CTBP2: variants seen among roughly 807,000 people sequenced by gnomAD.
CTBP2 encodes C-terminal-binding protein 2.
In CTBP2, 30 loss-of-function variants were observed where a neutral mutation model predicts 80.3. That is an observed-to-expected ratio of 0.37 (90% CI 0.28 to 0.51). The LOEUF (loss-of-function observed/expected upper bound fraction) is 0.51. CTBP2 is among the 20% of genes least tolerant of loss of function. The pLI is 0.93. For synonymous variants in CTBP2, 594 were observed against 587.4 expected (o/e 1.01, Z -0.16); for missense variants, 1,212 against 1,375.3 (o/e 0.88, Z 1.88).
At chr10:125,147,946 T>C (rs1382875666) in intron 1 of CTBP2, among the ~76,000 whole-genome samples, 2 of 152,108 alleles carry the variant, frequency 1.3e-5, no homozygotes, top group African/African-American at 4.8e-5. Context: ...TCAGGCCAGT[T>C]CTAAAGGCTT....
chr10:125,142,701 C>T (rs1292065589), intron 1 of CTBP2, among the ~76,000 whole-genome samples: 1 of 152,190 alleles, frequency 6.6e-6, no homozygotes, highest in Non-Finnish European at 1.5e-5. Flanking sequence ...ATGCAGTGAA[C>T]TGTGAAATCC....
chr10:125,079,862 T>C (rs749144727), intron 2 of CTBP2, among the ~76,000 whole-genome samples: 112 of 152,362 alleles, frequency 7.4e-4, no homozygotes, highest in Non-Finnish European at 9.8e-4. Flanking sequence ...TCTCCTGTGA[T>C]GAAAACCACT....
intron 2 of CTBP2, among the ~76,000 whole-genome samples, chr10:125,045,122 C>T (rs1960896192): frequency 6.6e-6 from 1 of 152,066 alleles, no homozygotes; most frequent in African/African-American, 2.4e-5. Context: ...TGAGGCTCTG[C>T]CCTCAGGAAC....
At chr10:125,074,126 G>A (rs1845931506) in intron 2 of CTBP2, among the ~76,000 whole-genome samples, 1 of 152,212 alleles carries the variant, frequency 6.6e-6, no homozygotes, top group Non-Finnish European at 1.5e-5. Flanking sequence ...CTAGATACCA[G>A]CAGCATTCCC....
At chr10:125,040,949 C>T (rs1459508528) in intron 2 of CTBP2, among the ~76,000 whole-genome samples, 3 of 152,224 alleles carry the variant, frequency 2.0e-5, no homozygotes, top group African/African-American at 4.8e-5. Context: ...ACCCTTTCAA[C>T]GATTGGGAAG....
intron 1 of CTBP2, among the ~76,000 whole-genome samples, chr10:125,013,133 C>A (rs1956114023): frequency 1.3e-5 from 2 of 152,204 alleles, no homozygotes; most frequent in Non-Finnish European, 1.5e-5. Flanking sequence ...CTATGAGATT[C>A]TCAGTTCAAA....
chr10:125,047,795 T>C (rs1961644457), intron 2 of CTBP2, among the ~76,000 whole-genome samples: 1 of 152,204 alleles, frequency 6.6e-6, no homozygotes, highest in Non-Finnish European at 1.5e-5. Flanking sequence ...TGGGGGAAGA[T>C]TTAATCCTCC....
intron 2 of CTBP2, among the ~76,000 whole-genome samples, chr10:125,042,529 A>G (rs543127412): frequency 6.6e-6 from 1 of 152,338 alleles, no homozygotes; most frequent in Admixed American, 6.5e-5. Context: ...TGTTCCTCAA[A>G]TCATGCCAGG....
chr10:125,070,050 G>A (rs1450175231), intron 2 of CTBP2, among the ~76,000 whole-genome samples: 1 of 151,844 alleles, frequency 6.6e-6, no homozygotes, highest in African/African-American at 2.4e-5. Flanking sequence ...GTCATTAATT[G>A]TAACAAATGC....
At chr10:125,103,702 C>T (rs978584666) in intron 2 of CTBP2, among the ~76,000 whole-genome samples, 2 of 152,268 alleles carry the variant, frequency 1.3e-5, no homozygotes, top group South Asian at 4.1e-4. Context: ...CCATGCCCCC[C>T]AGGCGTCCCA....
chr10:125,140,140 G>C (rs953108713), intron 1 of CTBP2, among the ~76,000 whole-genome samples: 2 of 152,086 alleles, frequency 1.3e-5, no homozygotes, highest in African/African-American at 4.8e-5. Context: ...TGTCTTTGGA[G>C]GGTATGTTTC....
rs1337851214 is a variant in CTBP2, at chr10:124,988,257, T to C, written c.*1261A>G. The stretch of plus-strand genomic sequence containing the variant: ...TAACAAGAGCTGGAAATTGGCTAAT[T>C]GACAATGCAATTGCCTTAAACATCT... On this transcript the variant is annotated 3_prime_UTR_variant, in exon 9 of 9. Transcript: ENST00000309035. 2 of 152,654 alleles carry C rather than the reference T, an allele frequency of 1.3e-5. No individual in the cohort carries two copies. Among genetic ancestry groups the C allele is most frequent in the Non-Finnish European group, 2.9e-5 (2 of 68,040 alleles). The allele number at this position is 152,654 out of a possible 1,614,324, so 9.5% of individuals were successfully genotyped here. A position where few individuals can be genotyped will look rare whatever the true frequency, so the allele number is the denominator to read the frequency against.
chr10:125,007,956 T>A (rs985908178), intron 1 of CTBP2, among the ~76,000 whole-genome samples: 25 of 152,048 alleles, frequency 1.6e-4, no homozygotes, highest in African/African-American at 6.0e-4. Context: ...CTGGCTTTTT[T>A]TTTTTTGGAG....
chr10:125,143,131 A>C (rs1858139052), intron 1 of CTBP2, among the ~76,000 whole-genome samples: 1 of 152,022 alleles, frequency 6.6e-6, no homozygotes, highest in Non-Finnish European at 1.5e-5. Flanking sequence ...CAGCCCCCCC[A>C]CGACATCCCG....
intron 3 of CTBP2, 117 bp downstream of exon 5, chr10:125,002,843 C>T (rs1954713542): frequency 2.3e-6 from 3 of 1,324,428 alleles, no homozygotes; most frequent in Non-Finnish European, 3.1e-6. Context: ...AGCCACCTTG[C>T]TACAGCCAGA....
chr10:125,140,703 A>G lies in CTBP2; in HGVS notation c.-206+19616T>C, dbSNP rs977595129. The stretch of plus-strand genomic sequence containing the variant: ...CTGGACATGGTGGTGGGTGCCTATC[A>G]TCTCAGCTACTCAGGAGGCTGAGGC... On this transcript the variant is annotated intron_variant, in intron 1 of 10. Coordinates refer to the CTBP2 transcript ENST00000337195. Among the ~76,000 whole-genome samples, 4 of 152,094 alleles carry G rather than the reference A, an allele frequency of 2.6e-5. No homozygotes were observed. In the East Asian group the frequency reaches 5.8e-4, roughly 22 times the overall value.
At chr10:125,097,940 G>A (rs1388019047) in intron 2 of CTBP2, among the ~76,000 whole-genome samples, 2 of 152,098 alleles carry the variant, frequency 1.3e-5, no homozygotes, top group African/African-American at 4.8e-5. Flanking sequence ...GATCAGCCTG[G>A]CCAACATGGT....
chr10:125,097,605 T>A (rs1057429557), intron 2 of CTBP2, among the ~76,000 whole-genome samples: 1 of 151,968 alleles, frequency 6.6e-6, no homozygotes, highest in Non-Finnish European at 1.5e-5. Context: ...TCACGTGGGG[T>A]CCATACCATT....
At chr10:125,088,972 G>A (rs1014434755) in intron 2 of CTBP2, among the ~76,000 whole-genome samples, 17 of 152,156 alleles carry the variant, frequency 1.1e-4, no homozygotes, top group African/African-American at 3.6e-4. Context: ...CATGCATCAC[G>A]TGTGTCTTTT....
Sources: allele counts gnomAD v4.1 joint callset (sites outside exome capture counted in the v4.1 genomes callset), GRCh38; gene constraint gnomAD v4.1.1; transcripts MANE v1.5; gene names NCBI Gene and HGNC (gene_info 2026-07-23, HGNC 2026-07-21).